Variants in RSRC1 observed in about 807,000 individuals in gnomAD.
RSRC1 encodes serine/Arginine-related protein 53.
Under a neutral mutation model 49.1 loss-of-function variants are expected in RSRC1, and 39 were observed. The observed-to-expected ratio is 0.79, with a 90% CI of 0.61 to 1.04. The LOEUF is 1.04. Ranked by LOEUF, RSRC1 falls within the 50% of genes least tolerant of loss-of-function variation. RSRC1 has a pLI of 0.00. For missense variants in RSRC1, 388 were observed against 402.4 expected (o/e 0.96, Z 0.31); for synonymous variants, 143 against 130.8 (o/e 1.09, Z -0.63).
chr3:158,541,569 T>C (rs1479711487), intron 8 of RSRC1, among the ~76,000 whole-genome samples: 1 of 152,212 alleles, frequency 6.6e-6, no homozygotes, highest in Admixed American at 6.5e-5. Context: ...ACAGTTTAAT[T>C]CATGCATATT....
intron 4 of RSRC1, among the ~76,000 whole-genome samples, chr3:158,252,082 T>C (rs996210101): frequency 2.6e-5 from 4 of 152,210 alleles, no homozygotes; most frequent in Admixed American, 6.5e-5. Context: ...GTTGGTATGA[T>C]GTATCCTATT....
chr3:158,447,710 T>G (rs1736796826), intron 6 of RSRC1, among the ~76,000 whole-genome samples: 2 of 151,886 alleles, frequency 1.3e-5, no homozygotes, highest in African/African-American at 2.4e-5. Flanking sequence ...GTTGTTTCCT[T>G]TCATGAATTG....
rs1296876132 is a variant in RSRC1 at position 158,461,013 on chromosome 3, T to C, written c.652+10T>C. 1.9e-6 allele frequency: 3 copies of C among 1,587,170 alleles called. No individual in the cohort carries two copies. In the African/African-American group the frequency reaches 4.1e-5, roughly 21 times the overall value. On this transcript the variant is annotated intron_variant, in intron 7 of 9. Transcript: ENST00000611884. ...AGAAGAAAGGAGGAAGGTAAAGGCA[T>C]GTGTTCATTTTTCTCTGAGAAATCA...
At chr3:158,400,834 T>C (rs1733859846) in intron 6 of RSRC1, among the ~76,000 whole-genome samples, 1 of 152,024 alleles carries the variant, frequency 6.6e-6, no homozygotes, top group African/African-American at 2.4e-5. Context: ...AAGTCTACAG[T>C]AGTGTATTGT....
intron 5 of RSRC1, among the ~76,000 whole-genome samples, chr3:158,334,382 T>C (rs1026034387): frequency 5.9e-5 from 9 of 152,234 alleles, no homozygotes. Flanking sequence ...AGAGGTCTAA[T>C]GTCATAAGTA....
chr3:158,458,629 T>A (rs1201224938), intron 6 of RSRC1, among the ~76,000 whole-genome samples: 1 of 152,070 alleles, frequency 6.6e-6, no homozygotes, highest in African/African-American at 2.4e-5. Context: ...ACAAGATTAG[T>A]AAAAGATGTA....
intron 4 of RSRC1, among the ~76,000 whole-genome samples, chr3:158,253,483 G>T (rs541596525): frequency 6.6e-6 from 1 of 152,022 alleles, no homozygotes; most frequent in South Asian, 2.1e-4. Flanking sequence ...TTGTTTTATG[G>T]CTTCATATAT....
intron 7 of RSRC1, among the ~76,000 whole-genome samples, chr3:158,493,647 A>G (rs997575367): frequency 3.3e-5 from 5 of 152,302 alleles, no homozygotes; most frequent in East Asian, 3.9e-4. Context: ...TTCATTCCAC[A>G]ATATGGGCAG....
chr3:158,270,057 G>A (rs962575688), intron 4 of RSRC1, among the ~76,000 whole-genome samples: 8 of 152,044 alleles, frequency 5.3e-5, no homozygotes, highest in African/African-American at 1.9e-4. Context: ...TAATGGATAG[G>A]AGCAACTGCA....
At chr3:158,463,380 T>A (rs1015421748) in intron 7 of RSRC1, among the ~76,000 whole-genome samples, 3 of 152,126 alleles carry the variant, frequency 2.0e-5, no homozygotes, top group Non-Finnish European at 4.4e-5. Flanking sequence ...CTACATTTAT[T>A]TTATTTCATA....
intron 5 of RSRC1, among the ~76,000 whole-genome samples, chr3:158,314,837 G>A (rs917352087): frequency 1.3e-5 from 2 of 152,040 alleles, no homozygotes; most frequent in Admixed American, 1.3e-4. Flanking sequence ...GAAACCAATG[G>A]TGAAACCAAA....
chr3:158,120,689 A>G lies in RSRC1; in HGVS notation c.-2-1414A>G, dbSNP rs1456921567. On this transcript the variant is annotated intron_variant, in intron 1 of 9. Transcript: ENST00000611884. ...ATATTAAATAGATAATATATATTTT[A>G]TATATATATAAATATATTCCATTAA... Among the ~76,000 whole-genome samples, 6 of 147,222 alleles carry G rather than the reference A, an allele frequency of 4.1e-5. No individual in the cohort carries two copies. In the East Asian group the frequency reaches 9.7e-4, roughly 24 times the overall value.
intron 3 of RSRC1, among the ~76,000 whole-genome samples, chr3:158,160,228 G>GT (rs1455259794): frequency 5.3e-5 from 8 of 151,994 alleles, no homozygotes; most frequent in African/African-American, 1.9e-4. Flanking sequence ...TGAAGGCGCT[G>GT]TTTTTTAAAG....
intron 4 of RSRC1, among the ~76,000 whole-genome samples, chr3:158,215,771 T>G (rs1334256117): frequency 2.6e-5 from 4 of 151,826 alleles, no homozygotes; most frequent in Non-Finnish European, 5.9e-5. Context: ...AACTAGCCTT[T>G]AATCCTTAAT....
chr3:158,284,968 C>T (rs143835372), intron 4 of RSRC1, among the ~76,000 whole-genome samples: 3 of 152,100 alleles, frequency 2.0e-5, no homozygotes, highest in Non-Finnish European at 4.4e-5. Context: ...AGTCCTTACT[C>T]ATGCCTATGT....
chr3:158,270,117 C>T (rs937594862), intron 4 of RSRC1, among the ~76,000 whole-genome samples: 3 of 152,104 alleles, frequency 2.0e-5, no homozygotes, highest in African/African-American at 4.8e-5. Context: ...TTGTGACTCT[C>T]GGTAAAGCTT....
rs1156528921 is a variant in RSRC1 at position 158,539,533 on chromosome 3, G to T, written c.759+2335G>T. ...GATACCCACCTGTGTTCAAAAGAAG[G>T]GTAAATACCCCTATGCAGCATGGTC... On this transcript the variant is annotated intron_variant, in intron 8 of 9. Transcript: ENST00000611884. The surrounding 1 kb of genome is among the most constrained non-coding windows in gnomAD (Gnocchi z 4.1). Among the ~76,000 whole-genome samples, 1 of 151,966 alleles carries T rather than the reference G, an allele frequency of 6.6e-6. No individual in the cohort carries two copies. The highest frequency in any genetic ancestry group is 1.5e-5 in the Non-Finnish European group (1 of 67,978).
At chr3:158,525,443 C>G (rs1161496556) in intron 7 of RSRC1, among the ~76,000 whole-genome samples, 2 of 151,938 alleles carry the variant, frequency 1.3e-5, no homozygotes, top group Non-Finnish European at 2.9e-5. Context: ...CTCTTCTACA[C>G]TGCTGTTGGG....
Position 158,121,150 on chromosome 3 carries a change from A to G in RSRC1, c.-2-953A>G, listed in dbSNP as rs1209059440. 4.6e-5 allele frequency among the ~76,000 whole-genome samples: 7 copies of G among 152,146 alleles called. No individual in the cohort carries two copies. The East Asian group carries it at 9.6e-4, about 21-fold the overall frequency. On this transcript the variant is annotated intron_variant, in intron 1 of 9. Transcript: ENST00000611884. Reference sequence around the variant, plus strand: ...TTAAATTATCTCAATGGATACCACTATAATAATGCTGTGATGAATATTTTC... The same window carrying G: ...TTAAATTATCTCAATGGATACCACTGTAATAATGCTGTGATGAATATTTTC...
Sources: gnomAD v4.1 joint callset for allele counts (sites outside exome capture counted in the v4.1 genomes callset) on GRCh38, gnomAD v4.1.1 for gene constraint, Gnocchi (gnomAD v3.1) non-coding constraint, MANE v1.5 for transcripts, NCBI Gene and HGNC (gene_info 2026-07-23, HGNC 2026-07-21) for gene names.